The following GRIK1 variants were observed in gnomAD, a reference collection of about 807,000 sequenced individuals.
GRIK1 encodes the protein glutamate receptor ionotropic, kainate 1.
A neutral mutation model predicts 105.7 loss-of-function variants in GRIK1; 69 were observed. The observed-to-expected ratio is 0.65, with a 90% CI of 0.54 to 0.80. The LOEUF is 0.80. Among genes scored for constraint, GRIK1 ranks in the 30% least tolerant of loss-of-function variants. The probability of loss-of-function intolerance (pLI) is 0.00; values close to 1 mark genes in which losing one functional copy is unlikely to be tolerated. For synonymous variants in GRIK1, 438 were observed against 431.3 expected (o/e 1.02, Z -0.19); for missense variants, 1,109 against 1,167.3 (o/e 0.95, Z 0.73).
intron 4 of GRIK1, among the ~76,000 whole-genome samples, chr21:29,659,767 C>G (rs2062926166): frequency 6.6e-6 from 1 of 152,202 alleles, no homozygotes; most frequent in East Asian, 1.9e-4. Flanking sequence ...TCAAGATCAG[C>G]CTGACCAACA....
At chr21:29,858,196 G>A (rs1318933319) in intron 1 of GRIK1, among the ~76,000 whole-genome samples, 1 of 152,108 alleles carries the variant, frequency 6.6e-6, no homozygotes, top group African/African-American at 2.4e-5. Flanking sequence ...ACTGTGCCTG[G>A]CCTATTTTTC....
rs142349958 is a variant in GRIK1, at chr21:29,807,293, G to C, written c.119-113230C>G. Among the ~76,000 whole-genome samples the C allele has an allele frequency of 3.2e-3, 485 of 152,208 alleles. 3 individuals are homozygous for C. The highest frequency in any genetic ancestry group is 0.011 in the African/African-American group (471 of 41,552). ...CTTCCCTGTGGCGGCTGTGGGGTGT[G>C]AGAAAGAGACATGTAACTGCAGGTA... On this transcript the variant is annotated intron_variant, in intron 1 of 17. Coordinates refer to ENST00000327783, the MANE Select transcript of GRIK1 (RefSeq NM_001330994.2).
At chr21:29,668,965 G>A (rs79701078) in intron 4 of GRIK1, among the ~76,000 whole-genome samples, 3,444 of 152,268 alleles carry the variant, frequency 0.023, 120 homozygotes, top group African/African-American at 0.078. Context: ...GAGGTGGTGG[G>A]TGGGTAAGTT....
At chr21:29,670,328 A>C (rs919303483) in intron 4 of GRIK1, among the ~76,000 whole-genome samples, 6 of 152,204 alleles carry the variant, frequency 3.9e-5, no homozygotes, top group African/African-American at 1.4e-4. Context: ...GGTTGGTACA[A>C]AGCTGAACTA....
rs571378389 is a variant in GRIK1, at chr21:29,543,163, C to T, written c.2608-5279G>A. Among the ~76,000 whole-genome samples, 31 of 152,038 alleles carry T rather than the reference C, an allele frequency of 2.0e-4. No homozygotes were observed. The South Asian group carries it at 6.4e-3, about 32-fold the overall frequency. On this transcript the variant is annotated intron_variant, in intron 16 of 17. Coordinates refer to ENST00000327783, the MANE Select transcript of GRIK1 (RefSeq NM_001330994.2). ...CTGTAGTTCTGTGGAGCCAGTGTCT[C>T]AATGATTATATTTTTTAAAGAAAGA... is the stretch of plus-strand genomic sequence containing the variant.
chr21:29,766,226 T>C (rs2065664243), intron 1 of GRIK1, among the ~76,000 whole-genome samples: 1 of 152,144 alleles, frequency 6.6e-6, no homozygotes, highest in Non-Finnish European at 1.5e-5. Flanking sequence ...ACAAAATCCT[T>C]CCAAGCATGA....
chr21:29,719,047 G>C (rs2064248541), intron 1 of GRIK1, among the ~76,000 whole-genome samples: 1 of 147,202 alleles, frequency 6.8e-6, no homozygotes, highest in African/African-American at 2.5e-5. Flanking sequence ...CCTTGAGCCA[G>C]TAGTTACAGT....
At chr21:29,661,667 A>C (rs1473922725) in intron 4 of GRIK1, among the ~76,000 whole-genome samples, 1 of 152,200 alleles carries the variant, frequency 6.6e-6, no homozygotes, top group East Asian at 1.9e-4. Context: ...AAAGCCACTA[A>C]ATTTGGCTTA....
At chr21:29,824,076 G>GTGGTGACTTGGGTGA in intron 1 of GRIK1, among the ~76,000 whole-genome samples, 1 of 151,900 alleles carries the variant, frequency 6.6e-6, no homozygotes, top group Non-Finnish European at 1.5e-5. Context: ...GTGAGGGGTG[G>GTGGTGACTTGGGTGA]TGGTGACTTG....
At chr21:29,785,847 T>C (rs2066245819) in intron 1 of GRIK1, among the ~76,000 whole-genome samples, 1 of 152,208 alleles carries the variant, frequency 6.6e-6, no homozygotes, top group South Asian at 2.1e-4. Flanking sequence ...GGAGAGATGC[T>C]GCCACAGTGA....
At chr21:29,786,496 A>T (rs550829916) in intron 1 of GRIK1, among the ~76,000 whole-genome samples, 1 of 152,164 alleles carries the variant, frequency 6.6e-6, no homozygotes, top group African/African-American at 2.4e-5. Context: ...TCTAAATTCT[A>T]TTACTGTAGT....
intron 1 of GRIK1, among the ~76,000 whole-genome samples, chr21:29,750,676 T>A (rs1311782680): frequency 6.8e-6 from 1 of 146,116 alleles, no homozygotes; most frequent in East Asian, 1.9e-4. Context: ...AGAGAAGAAT[T>A]GAGAGAAGCA....
chr21:29,799,765 A>G (rs888898753), intron 1 of GRIK1, among the ~76,000 whole-genome samples: 1 of 152,146 alleles, frequency 6.6e-6, no homozygotes, highest in South Asian at 2.1e-4. Context: ...CCTGACCCCA[A>G]GTGATCCACC....
chr21:29,619,373 G>T (rs111753923), intron 7 of GRIK1, among the ~76,000 whole-genome samples: 2,477 of 144,626 alleles, frequency 0.017, 36 homozygotes, highest in South Asian at 0.026. Context: ...AGAGGCAGGG[G>T]CTGCAGTGAG....
chr21:29,759,903 A>G (rs1230134212), intron 1 of GRIK1: 1 of 152,222 alleles, frequency 6.6e-6, no homozygotes, highest in Admixed American at 6.5e-5. Context: ...TTCTAATTTC[A>G]ATGAGCCCCA....
chr21:29,824,430 A>G (rs2067389510), intron 1 of GRIK1, among the ~76,000 whole-genome samples: 1 of 152,014 alleles, frequency 6.6e-6, no homozygotes, highest in Admixed American at 6.6e-5. Flanking sequence ...CAAAAATACC[A>G]ATGAAAAGTT....
At chr21:29,576,860 A>G in intron 14 of GRIK1, 104 bp downstream of exon 14, 2 of 677,274 alleles carry the variant, frequency 3.0e-6, no homozygotes, top group Admixed American at 2.7e-5. Context: ...AAATTACCCA[A>G]CATCTTTTTT....
At chr21:29,556,092 C>A (rs1281120894) in intron 15 of GRIK1, among the ~76,000 whole-genome samples, 1 of 152,200 alleles carries the variant, frequency 6.6e-6, no homozygotes, top group Non-Finnish European at 1.5e-5. Flanking sequence ...TGTACCCTTG[C>A]ATGCCATTGT....
chr21:29,763,649 A>T (rs1369177734), intron 1 of GRIK1: 1 of 152,234 alleles, frequency 6.6e-6, no homozygotes, highest in Non-Finnish European at 1.5e-5. Context: ...ATGCTCCAGT[A>T]GAGTGGTCTT....
Sources: gnomAD v4.1 joint callset for allele counts (sites outside exome capture counted in the v4.1 genomes callset) on GRCh38, gnomAD v4.1.1 for gene constraint, MANE v1.5 for transcripts, NCBI Gene and HGNC (gene_info 2026-07-23, HGNC 2026-07-21) for gene names.